Variants in MYT1L observed in about 807,000 individuals in gnomAD.
The protein encoded by MYT1L is myelin transcription factor 1-like protein.
In MYT1L, 12 loss-of-function variants were observed where a neutral mutation model predicts 126.7. That is an observed-to-expected ratio of 0.09 (90% CI 0.06 to 0.15). The LOEUF is 0.15. Among genes scored for constraint, MYT1L ranks in the 10% least tolerant of loss-of-function variants. The probability of loss-of-function intolerance (pLI) is 1.00; values close to 1 mark genes in which losing one functional copy is unlikely to be tolerated. For synonymous variants in MYT1L, 541 were observed against 604.2 expected, an observed-to-expected ratio of 0.90 and a Z score of 1.53; for missense variants, 979 against 1,585.2, an observed-to-expected ratio of 0.62 and a Z score of 6.49.
chr2:2,282,650 C>T (rs2095464782), intron 2 of MYT1L, among the ~76,000 whole-genome samples: 1 of 152,126 alleles, frequency 6.6e-6, no homozygotes, highest in Non-Finnish European at 1.5e-5. Context: ...GTTATTAAAA[C>T]CATGTTTATA....
rs141311208 is a variant in MYT1L at position 1,993,485 on chromosome 2, A to G, written c.-1+3706T>C. On this transcript the variant is annotated intron_variant, in intron 5 of 24. Transcript: ENST00000647738. ...ACTTGCTATTTTTCACTTAAAAAAA[A>G]ATCACAGCCATCTCTCTAGGCTAAT... 5.4e-3 allele frequency among the ~76,000 whole-genome samples: 825 copies of G among 152,342 alleles called. 7 individuals are homozygous for G. Among genetic ancestry groups the G allele is most frequent in the African/African-American group, 0.019 (793 of 41,574 alleles).
At chr2:2,060,950 A>G (rs900024193) in intron 3 of MYT1L, among the ~76,000 whole-genome samples, 16 of 151,966 alleles carry the variant, frequency 1.1e-4, no homozygotes, top group African/African-American at 3.6e-4. Flanking sequence ...ACTTCTCCAT[A>G]TATATATTAT....
At chr2:1,803,193 A>C (rs2035154686) in intron 22 of MYT1L, among the ~76,000 whole-genome samples, 1 of 152,258 alleles carries the variant, frequency 6.6e-6, no homozygotes, top group South Asian at 2.1e-4. Context: ...CCAATGCAAA[A>C]AATCCCAATT....
At chr2:2,291,208 G>A (rs1324558282) in intron 1 of MYT1L, among the ~76,000 whole-genome samples, 1 of 152,166 alleles carries the variant, frequency 6.6e-6, no homozygotes, top group East Asian at 1.9e-4. Flanking sequence ...CAGGAAAAAA[G>A]GGTTGTGATT....
chr2:1,838,711 T>C (rs2041233678), intron 21 of MYT1L, among the ~76,000 whole-genome samples: 1 of 152,062 alleles, frequency 6.6e-6, no homozygotes, highest in African/African-American at 2.4e-5. Flanking sequence ...GTTGATGGGG[T>C]TTTTTGGGAA....
chr2:2,150,004 C>G (rs1040304897), intron 3 of MYT1L, among the ~76,000 whole-genome samples: 2 of 152,182 alleles, frequency 1.3e-5, no homozygotes, highest in Non-Finnish European at 2.9e-5. Flanking sequence ...ATTCACATCC[C>G]AGTATCCACC....
At chr2:2,188,034 A>T (rs2092334375) in intron 2 of MYT1L, among the ~76,000 whole-genome samples, 1 of 152,136 alleles carries the variant, frequency 6.6e-6, no homozygotes. Flanking sequence ...TTTTTTAGAG[A>T]TTGGCATAAT....
Position 1,797,463 on chromosome 2 carries a change from G to A in MYT1L, c.3276+4233C>T, listed in dbSNP as rs1411855760. Among the ~76,000 whole-genome samples the A allele has an allele frequency of 9.9e-5, 15 of 152,224 alleles. No homozygotes were observed. The South Asian group carries it at 3.1e-3, about 32-fold the overall frequency. The stretch of plus-strand genomic sequence containing the variant: ...TCTCGATTTCCTGACCTCGTGATCT[G>A]CCCGCCTCGGCCTCCCAAAGTGCTG... On this transcript the variant is annotated intron_variant, in intron 23 of 24. Coordinates refer to ENST00000647738, the MANE Select transcript of MYT1L (RefSeq NM_001303052.2).
At chr2:2,070,317 A>G (rs2074443495) in intron 3 of MYT1L, among the ~76,000 whole-genome samples, 1 of 152,144 alleles carries the variant, frequency 6.6e-6, no homozygotes, top group African/African-American at 2.4e-5. Context: ...TTGTCTATCC[A>G]TCCAACTGTC....
intron 8 of MYT1L, among the ~76,000 whole-genome samples, chr2:1,958,031 C>A (rs1314233691): frequency 6.6e-6 from 1 of 152,184 alleles, no homozygotes; most frequent in Non-Finnish European, 1.5e-5. Flanking sequence ...CCCCTCCTTG[C>A]CCAGTGGAAA....
intron 3 of MYT1L, among the ~76,000 whole-genome samples, chr2:2,132,975 T>C (rs952235926): frequency 6.6e-6 from 1 of 152,174 alleles, no homozygotes; most frequent in African/African-American, 2.4e-5. Context: ...TGGAGTTGTC[T>C]CTTTTCATAT....
intron 2 of MYT1L, among the ~76,000 whole-genome samples, chr2:2,260,504 C>G (rs1167877564): frequency 6.6e-6 from 1 of 152,158 alleles, no homozygotes; most frequent in Non-Finnish European, 1.5e-5. Flanking sequence ...ACCATTCATA[C>G]TTCTAATTTT....
At chr2:1,874,578 G>A (rs2046661165) in intron 18 of MYT1L, among the ~76,000 whole-genome samples, 1 of 152,188 alleles carries the variant, frequency 6.6e-6, no homozygotes, top group Admixed American at 6.5e-5. Context: ...ACCAACCTGT[G>A]GTCCAGCGGC....
chr2:2,281,416 T>A (rs2095444947), intron 2 of MYT1L, among the ~76,000 whole-genome samples: 1 of 152,226 alleles, frequency 6.6e-6, no homozygotes, highest in South Asian at 2.1e-4. Context: ...AAATGACTTT[T>A]GTTTTCTTTT....
intron 3 of MYT1L, among the ~76,000 whole-genome samples, chr2:2,101,229 T>G (rs551718493): frequency 6.6e-6 from 1 of 152,172 alleles, no homozygotes; most frequent in Non-Finnish European, 1.5e-5. Flanking sequence ...TAGTAGATAC[T>G]TTTTTCTCAC....
intron 22 of MYT1L, among the ~76,000 whole-genome samples, chr2:1,804,411 C>T (rs940188951): frequency 6.6e-6 from 1 of 152,102 alleles, no homozygotes; most frequent in Non-Finnish European, 1.5e-5. Context: ...CGTGAGCCAC[C>T]GCGCCCAGCC....
At chr2:2,000,936 C>T (rs897845628) in intron 4 of MYT1L, among the ~76,000 whole-genome samples, 2 of 152,128 alleles carry the variant, frequency 1.3e-5, no homozygotes, top group Admixed American at 6.5e-5. Context: ...AATCCTGGTT[C>T]CCCTGGGAAG....
intron 18 of MYT1L, among the ~76,000 whole-genome samples, chr2:1,864,540 T>G (rs922358857): frequency 6.6e-6 from 1 of 152,198 alleles, no homozygotes; most frequent in Non-Finnish European, 1.5e-5. Flanking sequence ...AGGGGAGAGC[T>G]GGCCCTGTCC....
At chr2:2,026,257 A>G (rs1020994694) in intron 4 of MYT1L, among the ~76,000 whole-genome samples, 3 of 152,172 alleles carry the variant, frequency 2.0e-5, no homozygotes, top group African/African-American at 7.2e-5. Context: ...ACTGTGTGAC[A>G]AGGGTGTGCG....
Sources: gnomAD v4.1 joint callset for allele counts (sites outside exome capture counted in the v4.1 genomes callset) on GRCh38, gnomAD v4.1.1 for gene constraint, MANE v1.5 for transcripts, NCBI Gene and HGNC (gene_info 2026-07-23, HGNC 2026-07-21) for gene names.